MSRA: variants seen among roughly 807,000 people sequenced by gnomAD.
MSRA encodes the protein methionine sulfoxide reductase A.
A neutral mutation model predicts 31.3 loss-of-function variants in MSRA; 54 were observed. The ratio of observed to expected loss-of-function variants is 1.73; its 90% CI spans 1.39 to 2.17. The LOEUF is 2.17. Among genes scored for constraint, MSRA ranks in the 30% most tolerant of loss-of-function variants. The pLI, the probability that MSRA is intolerant of heterozygous loss-of-function variation, is 0.00. For missense variants in MSRA, 507 were observed against 300.9 expected, an observed-to-expected ratio of 1.69 and a Z score of -5.07; for synonymous variants, 169 against 116.5, an observed-to-expected ratio of 1.45 and a Z score of -2.90.
Position 10,289,509 on chromosome 8 carries a change from T to C in MSRA, c.332-12025T>C, listed in dbSNP as rs866783553. On this transcript the variant is annotated intron_variant, in intron 3 of 5. Coordinates refer to ENST00000317173, the MANE Select transcript of MSRA (RefSeq NM_012331.5). ...TCCCCTCGAGCATTTATCCTTTGTG[T>C]TACAGACAATCCATTTATTTTCTTT... Among the ~76,000 whole-genome samples, 8 of 152,318 alleles carry C rather than the reference T, an allele frequency of 5.3e-5. No individual in the cohort carries two copies. The South Asian group carries it at 1.0e-3, about 20-fold the overall frequency.
chr8:10,329,361 G>A (rs984034427), intron 5 of MSRA, among the ~76,000 whole-genome samples: 6 of 152,160 alleles, frequency 3.9e-5, no homozygotes, highest in African/African-American at 1.4e-4. Context: ...CACCATGCAT[G>A]GCCTGTGGCT....
At chr8:10,107,871 C>G (rs1349780770) in intron 1 of MSRA, among the ~76,000 whole-genome samples, 2 of 152,128 alleles carry the variant, frequency 1.3e-5, no homozygotes, top group East Asian at 1.9e-4. Flanking sequence ...CTAAGTGATT[C>G]TACTTTTTAA....
intron 3 of MSRA, among the ~76,000 whole-genome samples, chr8:10,264,271 C>T (rs1366592894): frequency 6.6e-6 from 1 of 152,210 alleles, no homozygotes; most frequent in Non-Finnish European, 1.5e-5. Context: ...CTTATGAGAA[C>T]TCCAGCTATT....
intron 3 of MSRA, among the ~76,000 whole-genome samples, chr8:10,296,131 C>T (rs1299794216): frequency 6.6e-6 from 1 of 152,136 alleles, no homozygotes; most frequent in Non-Finnish European, 1.5e-5. Context: ...GGCTGAGCTG[C>T]AGTCTCCAGC....
At chr8:10,230,435 G>A (rs1811367038) in intron 2 of MSRA, among the ~76,000 whole-genome samples, 1 of 152,164 alleles carries the variant, frequency 6.6e-6, no homozygotes, top group African/African-American at 2.4e-5. Flanking sequence ...GTTCAGGTTG[G>A]CTGATGGTGG....
chr8:10,392,784 C>T (rs1563428173), intron 5 of MSRA, among the ~76,000 whole-genome samples: 1 of 150,436 alleles, frequency 6.6e-6, no homozygotes, highest in African/African-American at 2.5e-5. Context: ...TGGTGGCTCA[C>T]GCCTGTAATC....
chr8:10,171,644 G>A (rs977692593), intron 1 of MSRA, among the ~76,000 whole-genome samples: 17 of 152,112 alleles, frequency 1.1e-4, no homozygotes, highest in Admixed American at 2.0e-4. Flanking sequence ...CGACTGATAC[G>A]GACTTACCCA....
At chr8:10,330,968 G>T (rs1802660645) in intron 5 of MSRA, among the ~76,000 whole-genome samples, 1 of 152,216 alleles carries the variant, frequency 6.6e-6, no homozygotes, top group Non-Finnish European at 1.5e-5. Flanking sequence ...GTCCTGAGCT[G>T]GAGCTCCCGT....
intron 1 of MSRA, among the ~76,000 whole-genome samples, chr8:10,113,289 C>CTTTTTTTTTTT (rs1467440154): frequency 0.24 from 12,161 of 50,202 alleles, 4,902 homozygotes; most frequent in Non-Finnish European, 0.3. Context: ...GAAGACAGGT[C>CTTTTTTTTTTT]TTCTTTTTTT....
At chr8:10,210,439 C>T (rs1001088694) in intron 2 of MSRA, among the ~76,000 whole-genome samples, 1 of 152,228 alleles carries the variant, frequency 6.6e-6, no homozygotes, top group Non-Finnish European at 1.5e-5. Context: ...TGATCTGCAG[C>T]CAGGCCCATT....
intron 3 of MSRA, among the ~76,000 whole-genome samples, chr8:10,247,118 T>G (rs1005890724): frequency 6.6e-6 from 1 of 152,266 alleles, no homozygotes; most frequent in Admixed American, 6.5e-5. Flanking sequence ...CTGTTTACCT[T>G]AATAACAACA....
chr8:10,095,733 A>C, intron 1 of MSRA: 1 of 1,101,054 alleles, frequency 9.1e-7, no homozygotes, highest in South Asian at 4.5e-5. Flanking sequence ...TTTCAAACTT[A>C]GAAGGCTTTT....
At chr8:10,164,706 C>T (rs1052819114) in intron 1 of MSRA, among the ~76,000 whole-genome samples, 1 of 152,070 alleles carries the variant, frequency 6.6e-6, no homozygotes, top group African/African-American at 2.4e-5. Flanking sequence ...GTTTCCTTTC[C>T]CTGTAGAATA....
intron 4 of MSRA, among the ~76,000 whole-genome samples, chr8:10,310,629 A>G (rs567998216): frequency 4.5e-4 from 69 of 152,358 alleles, no homozygotes; most frequent in African/African-American, 1.6e-3. Context: ...TGCTCCTTAA[A>G]GCAACCTATG....
chr8:10,207,547 G>C (rs948393981), intron 1 of MSRA, among the ~76,000 whole-genome samples: 9 of 152,134 alleles, frequency 5.9e-5, no homozygotes, highest in African/African-American at 1.7e-4. Flanking sequence ...GCTGGGTGTC[G>C]GGAGCCTTCA....
chr8:10,163,348 T>C (rs1301295887), intron 1 of MSRA, among the ~76,000 whole-genome samples: 1 of 152,118 alleles, frequency 6.6e-6, no homozygotes, highest in Non-Finnish European at 1.5e-5. Context: ...CACCTTCCAT[T>C]GTCTTCTCTT....
At chr8:10,200,195 C>A (rs28701812) in intron 1 of MSRA, among the ~76,000 whole-genome samples, 68,046 of 152,018 alleles carry the variant, frequency 0.45, 15,297 homozygotes, top group South Asian at 0.58. Flanking sequence ...GCCAGATGGT[C>A]GTGGAGGGCG....
In MSRA at chr8:10,162,939, A is replaced by T. The variant is rs112984888; in HGVS notation, c.143-44894A>T. Among the ~76,000 whole-genome samples the T allele has an allele frequency of 2.0e-5, 3 of 152,012 alleles. No homozygotes were observed. In the East Asian group the frequency reaches 5.8e-4, roughly 29 times the overall value. On this transcript the variant is annotated intron_variant, in intron 1 of 5. Coordinates refer to ENST00000317173, the MANE Select transcript of MSRA (RefSeq NM_012331.5). Reference sequence around the variant, plus strand: ...GGCCTCCTGTGGTCTTAAAGTTTGCACCTCTCCAAATTCCTAGGTTGAAAT... The same window carrying T: ...GGCCTCCTGTGGTCTTAAAGTTTGCTCCTCTCCAAATTCCTAGGTTGAAAT...
rs1233768773 is a variant in MSRA, at chr8:10,296,856, G to T, written c.332-4678G>T. Among the ~76,000 whole-genome samples the T allele has an allele frequency of 3.3e-5, 5 of 152,178 alleles. 1 individual carries two copies. The highest frequency in any genetic ancestry group is 1.2e-4 in the African/African-American group (5 of 41,444). On this transcript the variant is annotated intron_variant, in intron 3 of 5. Coordinates refer to ENST00000317173, the MANE Select transcript of MSRA (RefSeq NM_012331.5). ...GCAGCAGAGCCAGGAGGCCAACCCT[G>T]ACAATCTGACTCCTCACCACTACCT...
Sources: gnomAD v4.1 joint callset for allele counts (sites outside exome capture counted in the v4.1 genomes callset) on GRCh38, gnomAD v4.1.1 for gene constraint, MANE v1.5 for transcripts, NCBI Gene and HGNC (gene_info 2026-07-23, HGNC 2026-07-21) for gene names.